Variants in ARHGEF40 observed in about 807,000 individuals in gnomAD.
ARHGEF40 encodes Rho guanine nucleotide exchange factor (GEF) 40.
ARHGEF40 carries 98 observed loss-of-function variants against 165.9 expected under a neutral mutation model. The ratio of observed to expected loss-of-function variants is 0.59; its 90% CI spans 0.50 to 0.70. The LOEUF is 0.70. Ranked by LOEUF, ARHGEF40 falls within the 30% of genes least tolerant of loss-of-function variation. The probability of loss-of-function intolerance (pLI) is 0.00; values close to 1 mark genes in which losing one functional copy is unlikely to be tolerated. For synonymous variants in ARHGEF40, 792 were observed against 814.3 expected (o/e 0.97, Z 0.47); for missense variants, 1,815 against 1,968.0 (o/e 0.92, Z 1.47).
At position 21,071,969 on chromosome 14, in the gene ARHGEF40, T is replaced by A. The variant is rs1886952267; in HGVS notation, c.4-1076T>A. 2.0e-5 allele frequency among the ~76,000 whole-genome samples: 3 copies of A among 152,116 alleles called. No individual in the cohort carries two copies. In the South Asian group the frequency reaches 6.2e-4, roughly 32 times the overall value. The stretch of plus-strand genomic sequence containing the variant: ...TGGAGCTCAGAGAAAAATAAGCTAT[T>A]TTGTTTTATGGCAAAGGCAAGGTAT... On this transcript the variant is annotated intron_variant, in intron 1 of 23. Coordinates refer to ENST00000298694, the MANE Select transcript of ARHGEF40 (RefSeq NM_018071.5).
At chr14:21,078,797 C>T (rs1887640721) in intron 10 of ARHGEF40, 87 bp from the exon 11 acceptor site, 7 of 1,532,332 alleles carry the variant, frequency 4.6e-6, no homozygotes, top group Non-Finnish European at 5.3e-6. Flanking sequence ...TGCAACCTCT[C>T]ATGTTTGCAT....
Position 21,081,935 on chromosome 14 carries a change from C to G in ARHGEF40, c.3067C>G (p.Leu1023Val). Residue 1023 changes from leucine to valine, a missense_variant, in exon 14 of 24, where the codon CTG (leucine) becomes GTG (valine). Physicochemically the swap from Leu to Val is conservative, Grantham distance 32 (BLOSUM62 1). Coordinates refer to ENST00000298694, the MANE Select transcript of ARHGEF40 (RefSeq NM_018071.5). Reference sequence around the variant, plus strand: ...GGACTATGAGGAAGAGGGCCCTGAGCTGGCTCCAGAAGCAGAGGGCAGGCC... The same window carrying G: ...GGACTATGAGGAAGAGGGCCCTGAGGTGGCTCCAGAAGCAGAGGGCAGGCC... ...GEDYEEEGPE[L>V]APEAEGRPPR... 2.5e-6 allele frequency: 4 copies of G among 1,610,830 alleles called. No individual in the cohort carries two copies. Among genetic ancestry groups the G allele is most frequent in the Non-Finnish European group, 3.4e-6 (4 of 1,178,740 alleles).
At chr14:21,078,100 T>TA (rs1270311878) in intron 8 of ARHGEF40, 77 bp from the exon 9 acceptor site, 21 of 1,334,440 alleles carry the variant, frequency 1.6e-5, no homozygotes, top group Non-Finnish European at 2.0e-5. Flanking sequence ...TCTCTGGGGC[T>TA]ACCGCACCCC....
At chr14:21,064,545 G>A in the ARHGEF40 span, among the ~76,000 whole-genome samples, 2 of 152,160 alleles carry the variant, frequency 1.3e-5, no homozygotes, top group African/African-American at 2.4e-5. Flanking sequence ...CAGGTGACCC[G>A]CCCACCTCGG....
chr14:21,074,377 C>T lies in ARHGEF40; in HGVS notation c.647C>T (p.Pro216Leu), dbSNP rs1338977575. 1 of 1,613,902 alleles carries T rather than the reference C, an allele frequency of 6.2e-7. No homozygotes were observed. Among genetic ancestry groups the T allele is most frequent in the South Asian group, 1.1e-5 (1 of 91,076 alleles). Residue 216 changes from proline (P) to leucine (L), a missense_variant, in exon 3 of 24, where the codon CCA becomes CTA. Coordinates refer to ENST00000298694, the MANE Select transcript of ARHGEF40 (RefSeq NM_018071.5). This position sits in a 1 kb window ranked among gnomAD's most constrained non-coding sequence, Gnocchi z 4.8. ...PSGPPGLPSP[P>L]LPEEALGTRS... The stretch of plus-strand genomic sequence containing the variant: ...GGACCTCCAGGGCTTCCCAGCCCTC[C>T]ACTTCCTGAGGAGGCGCTGGGTACC...
intron 16 of ARHGEF40, among the ~76,000 whole-genome samples, chr14:21,083,528 C>T (rs998783873): frequency 8.5e-5 from 13 of 152,088 alleles, no homozygotes; most frequent in South Asian, 6.2e-4. Context: ...CCAGCCTGGG[C>T]GACAGAGCAA....
chr14:21,088,181 G>T lies in ARHGEF40; in HGVS notation c.4518+83G>T, dbSNP rs981199705. 8 of 1,467,964 alleles carry T rather than the reference G, an allele frequency of 5.4e-6. No individual in the cohort carries two copies. The East Asian group carries it at 1.7e-4, about 31-fold the overall frequency. The allele number at this position is 1,467,964 out of a possible 1,614,324, so 90.9% of individuals were successfully genotyped here. ...GGCTTTTCTGATCATTCAACCCCAG[G>T]GGGGTTGGGGGAAAACTGTGAACTT... On this transcript the variant is annotated intron_variant, in intron 22 of 23. Coordinates refer to ENST00000298694, the MANE Select transcript of ARHGEF40 (RefSeq NM_018071.5).
intron 19 of ARHGEF40, chr14:21,086,724 A>C: frequency 2.4e-6 from 1 of 414,828 alleles, no homozygotes; most frequent in Non-Finnish European, 4.5e-6. Flanking sequence ...AATGCCCAAG[A>C]TGCAGAGTAG....
intron 1 of ARHGEF40, among the ~76,000 whole-genome samples, chr14:21,071,112 C>A (rs1886795508): frequency 6.6e-6 from 1 of 152,168 alleles, no homozygotes; most frequent in Non-Finnish European, 1.5e-5. Context: ...TGCCTCAGGG[C>A]ACTCCTGCTA....
At position 21,081,747 on chromosome 14, in the gene ARHGEF40, C is replaced by T. The variant is rs1178359639; in HGVS notation, c.2879C>T (p.Ala960Val). The change falls in exon 14 of 24, where the codon GCG becomes GTG. Residue 960 changes from alanine (A) to valine (V), a missense_variant. Physicochemically the swap from Ala to Val is moderately conservative, Grantham distance 64. Coordinates refer to ENST00000298694, the MANE Select transcript of ARHGEF40 (RefSeq NM_018071.5). Reference sequence around the variant, plus strand: ...ATCCAGCAACACGTGGGAGAGGAGGCGAGCCCACGGGGCTACCGACGACGG... The same window carrying T: ...ATCCAGCAACACGTGGGAGAGGAGGTGAGCCCACGGGGCTACCGACGACGG... ...RRIQQHVGEE[A>V]SPRGYRRRRA... The T allele has an allele frequency of 2.5e-6, 4 of 1,579,974 alleles. No homozygotes were observed. Among genetic ancestry groups the T allele is most frequent in the Admixed American group, 1.8e-5 (1 of 54,510 alleles).
rs149645597 is a variant in ARHGEF40, at chr14:21,079,775, A to G, written c.2373+765A>G. On this transcript the variant is annotated intron_variant, in intron 11 of 23. Transcript: ENST00000298694. ...CTTCATATTGGCTTCCTCTAAGCCA[A>G]TATCCTAGAGATGGGTTGCATCTCC... 1.5e-3 allele frequency among the ~76,000 whole-genome samples: 228 copies of G among 152,282 alleles called. 2 individuals carry two copies. The highest frequency in any genetic ancestry group is 5.2e-3 in the African/African-American group (218 of 41,556).
In ARHGEF40 at chr14:21,082,057, TA is replaced by T; in HGVS notation, c.3190del (p.Arg1064GlyfsTer9). On this transcript the variant is annotated frameshift_variant, in exon 14 of 24. Transcript: ENST00000298694. LOFTEE classifies it high-confidence loss of function. ...PREHVLLGRA[R>X]GPDGPWGVGT... ...GGGAACACGTGCTGCTGGGCCGGGC[TA>T]GGGGGCCAGACGGACCCTGGGGAGT... 6.4e-7 allele frequency: 1 copy of T among 1,560,784 alleles called. No homozygotes were observed. Among genetic ancestry groups the T allele is most frequent in the Non-Finnish European group, 8.7e-7 (1 of 1,152,332 alleles).
intron 16 of ARHGEF40, 135 bp downstream of exon 16, chr14:21,083,052 G>A (rs563361649): frequency 2.9e-5 from 23 of 789,324 alleles, no homozygotes; most frequent in Admixed American, 1.1e-4. Context: ...TAGAATTGCC[G>A]AGGGTGGGAC....
At chr14:21,083,720 T>G (rs747343747) in intron 16 of ARHGEF40, 115 bp from the exon 17 acceptor site, 119 of 930,202 alleles carry the variant, frequency 1.3e-4, no homozygotes, top group Non-Finnish European at 1.7e-4. Flanking sequence ...AGGGAGCATC[T>G]GGGCTTCATC....
rs1331588314 is a variant in ARHGEF40 at position 21,072,292 on chromosome 14, G to A, written c.4-753G>A. On this transcript the variant is annotated intron_variant, in intron 1 of 23. Transcript: ENST00000298694. The surrounding 1 kb of genome is among the most constrained non-coding windows in gnomAD (Gnocchi z 4.1). The stretch of plus-strand genomic sequence containing the variant: ...AATCAGAAAAGATCAGCTCGAATGC[G>A]CACCATCAAGGCCTCCTCCTCCCTT... Among the ~76,000 whole-genome samples the A allele has an allele frequency of 6.6e-6, 1 of 152,022 alleles. No individual in the cohort carries two copies. The highest frequency in any genetic ancestry group is 2.4e-5 in the African/African-American group (1 of 41,386).
chr14:21,074,617 GGCCTCGGGGCCAGGATGGA>G lies in ARHGEF40; in HGVS notation c.890_908del (p.Pro297HisfsTer48). The G allele has an allele frequency of 2.6e-6, 4 of 1,566,970 alleles. No homozygotes were observed. The highest frequency in any genetic ancestry group is 3.5e-6 in the Non-Finnish European group (4 of 1,157,126). The stretch of plus-strand genomic sequence containing the variant: ...GCGTGGATGCACCAGAAGGGCCTGG[GGCCTCGGGGCCAGGATGGA>G]GCACGCCCACCCGGCGAGGGGAGCA... On this transcript the variant is annotated frameshift_variant, in exon 3 of 24. Transcript: ENST00000298694. LOFTEE classifies it high-confidence loss of function. The surrounding 1 kb of genome is among the most constrained non-coding windows in gnomAD (Gnocchi z 4.8).
Position 21,073,288 on chromosome 14 carries a change from C to G in ARHGEF40, c.201+46C>G, listed in dbSNP as rs1217409071. On this transcript the variant is annotated intron_variant, in intron 2 of 23. Coordinates refer to ENST00000298694, the MANE Select transcript of ARHGEF40 (RefSeq NM_018071.5). The surrounding 1 kb of genome is among the most constrained non-coding windows in gnomAD (Gnocchi z 4.6). ...ATTCTGCCTTCCCCAAGATCCACTGCCACACTCTACAGACTAGCCAGGCTG... is the reference window on the plus strand; with the variant it reads ...ATTCTGCCTTCCCCAAGATCCACTGGCACACTCTACAGACTAGCCAGGCTG... 3 of 1,546,214 alleles carry G rather than the reference C, an allele frequency of 1.9e-6. No homozygotes were observed. Among genetic ancestry groups the G allele is most frequent in the Non-Finnish European group, 2.6e-6 (3 of 1,143,232 alleles).
In ARHGEF40 at chr14:21,088,092, C is replaced by T; in HGVS notation, c.4512C>T (p.Ser1504=). The T allele has an allele frequency of 6.2e-7, 1 of 1,609,774 alleles. No homozygotes were observed. The highest frequency in any genetic ancestry group is 8.5e-7 in the Non-Finnish European group (1 of 1,178,066). The part of the protein sequence containing the change: ...TLASRGILGL[S]RQSHARALSD... ...CCAGTCGAGGGATCTTAGGGCTATCCCGACAGGTAAGTTCCTACAACGAGG... is the reference window on the plus strand; with the variant it reads ...CCAGTCGAGGGATCTTAGGGCTATCTCGACAGGTAAGTTCCTACAACGAGG... The change falls in exon 22 of 24, where the codon TCC becomes TCT. Residue 1504 remains serine (S), a synonymous_variant. Coordinates refer to ENST00000298694, the MANE Select transcript of ARHGEF40 (RefSeq NM_018071.5).
intron 8 of ARHGEF40, 125 bp from the exon 9 acceptor site, chr14:21,078,052 A>G (rs1664326698): frequency 8.7e-6 from 7 of 801,388 alleles, no homozygotes; most frequent in Admixed American, 6.8e-5. Context: ...AGTTAGCAAC[A>G]AAGTCAGGAA....
Sources: gnomAD v4.1 joint callset for allele counts (sites outside exome capture counted in the v4.1 genomes callset) on GRCh38, gnomAD v4.1.1 for gene constraint, Gnocchi (gnomAD v3.1) non-coding constraint, MANE v1.5 for transcripts, NCBI Gene and HGNC (gene_info 2026-07-23, HGNC 2026-07-21) for gene names.